Variants in LNX1 observed in about 807,000 individuals in gnomAD.
LNX1 encodes the protein ligand of numb-protein X 1, also known as E3 ubiquitin-protein ligase LNX.
In LNX1, 54 loss-of-function variants were observed where a neutral mutation model predicts 68.4. The observed-to-expected ratio is 0.79, with a 90% CI of 0.63 to 0.99. The LOEUF (loss-of-function observed/expected upper bound fraction) is 0.99. LNX1 is among the 50% of genes least tolerant of loss of function. The probability of loss-of-function intolerance (pLI) is 0.00; values close to 1 mark genes in which losing one functional copy is unlikely to be tolerated. For missense variants in LNX1, 906 were observed against 926.4 expected (o/e 0.98, Z 0.29); for synonymous variants, 336 against 350.0 (o/e 0.96, Z 0.45).
chr4:53,536,982 C>T (rs1420883810), intron 2 of LNX1, among the ~76,000 whole-genome samples: 1 of 152,182 alleles, frequency 6.6e-6, no homozygotes, highest in Admixed American at 6.5e-5. Context: ...GTGATGATTT[C>T]TAATTACTTA....
In LNX1 at chr4:53,640,227, C is replaced by T. The variant is rs74717127; in HGVS notation, c.-215+11941G>A. On this transcript the variant is annotated intron_variant, in intron 1 of 2. Coordinates refer to the LNX1 transcript ENST00000507168. Reference sequence around the variant, plus strand: ...TAGATTTACGTATTAAAAACAAGAACGACTGTCAGGAAGGCGAGGAAGCAC... The same window carrying T: ...TAGATTTACGTATTAAAAACAAGAATGACTGTCAGGAAGGCGAGGAAGCAC... Among the ~76,000 whole-genome samples the T allele has an allele frequency of 7.8e-3, 1,182 of 152,120 alleles. 14 individuals carry two copies. Among genetic ancestry groups the T allele is most frequent in the African/African-American group, 0.024 (1,009 of 41,472 alleles).
chr4:53,639,731 C>A (rs1311412813), intron 1 of LNX1, among the ~76,000 whole-genome samples: 2 of 152,128 alleles, frequency 1.3e-5, no homozygotes, highest in Non-Finnish European at 1.5e-5. Context: ...AAGTCAGAGG[C>A]ATAATCAAGA....
intron 2 of LNX1, among the ~76,000 whole-genome samples, chr4:53,516,472 C>T (rs1273121966): frequency 6.6e-6 from 1 of 152,064 alleles, no homozygotes; most frequent in Non-Finnish European, 1.5e-5. Context: ...CAGGAGAGCT[C>T]AGAGGAAGGG....
At chr4:53,570,316 A>G (rs1731055453) in intron 2 of LNX1, among the ~76,000 whole-genome samples, 1 of 150,112 alleles carries the variant, frequency 6.7e-6, no homozygotes, top group South Asian at 2.2e-4. Flanking sequence ...CATATACACC[A>G]TGGAATACTA....
intron 2 of LNX1, among the ~76,000 whole-genome samples, chr4:53,533,546 A>G (rs1704476688): frequency 1.3e-5 from 2 of 152,124 alleles, no homozygotes; most frequent in Admixed American, 1.3e-4. Context: ...CTACAGGCAC[A>G]TGCCATCACA....
chr4:53,521,288 A>C (rs1477000155), intron 2 of LNX1, among the ~76,000 whole-genome samples: 1 of 152,206 alleles, frequency 6.6e-6, no homozygotes, highest in East Asian at 1.9e-4. Context: ...AGAGGTTGTC[A>C]GAGCTTGATA....
rs184345236 is a variant in LNX1, at chr4:53,503,027, T to C, written c.776-4184A>G. ...CTCACTGCAAGCTCCGCCTCCCAGG[T>C]TCACATCATTCTCCTGCCTCAGCCT... On this transcript the variant is annotated intron_variant, in intron 4 of 10. Transcript: ENST00000263925. Among the ~76,000 whole-genome samples, 280 of 152,116 alleles carry C rather than the reference T, an allele frequency of 1.8e-3. 1 individual carries two copies. The highest frequency in any genetic ancestry group is 6.5e-3 in the African/African-American group (271 of 41,484).
At chr4:53,533,155 T>C (rs1415661584) in intron 2 of LNX1, among the ~76,000 whole-genome samples, 1 of 152,216 alleles carries the variant, frequency 6.6e-6, no homozygotes, top group African/African-American at 2.4e-5. Context: ...GGCCTGAGAC[T>C]AACTGAGCTT....
At position 53,573,963 on chromosome 4, in the gene LNX1, A is replaced by G; in HGVS notation, c.40T>C (p.Cys14Arg). Reference protein sequence around the residue: ...PESANDPEPLCAVCGQAHSLE... With the variant: ...PESANDPEPLRAVCGQAHSLE... ...GAGTGGGCTTGGCCACACACTGCAC[A>G]CAGGGGTTCAGGATCGTTGGCAGAC... is the stretch of plus-strand genomic sequence containing the variant. Residue 14 changes from cysteine (C) to arginine (R), a missense_variant, in exon 2 of 11, where the codon TGT becomes CGT. Physicochemically the swap from Cys to Arg is radical, Grantham distance 180 (BLOSUM62 -3). Transcript: ENST00000263925. 1 of 1,613,606 alleles carries G rather than the reference A, an allele frequency of 6.2e-7. No individual in the cohort carries two copies. The highest frequency in any genetic ancestry group is 2.2e-5 in the East Asian group (1 of 44,888).
chr4:53,470,943 C>A (rs1723117225), intron 9 of LNX1, among the ~76,000 whole-genome samples: 1 of 151,530 alleles, frequency 6.6e-6, no homozygotes. Flanking sequence ...TCAGTGCCAT[C>A]CCCATCGAGC....
At chr4:53,579,022 T>A (rs531590995) in intron 1 of LNX1, among the ~76,000 whole-genome samples, 1 of 152,184 alleles carries the variant, frequency 6.6e-6, no homozygotes, top group Admixed American at 6.5e-5. Flanking sequence ...GCCTTGCTGC[T>A]GAATGGAGAA....
chr4:53,632,472 G>A (rs537574807), intron 1 of LNX1, among the ~76,000 whole-genome samples: 2 of 152,142 alleles, frequency 1.3e-5, no homozygotes, highest in Non-Finnish European at 2.9e-5. Flanking sequence ...CAGCCAAGAG[G>A]GTCAGTCAGA....
intron 6 of LNX1, 65 bp downstream of exon 6, chr4:53,495,958 G>A (rs1184175279): frequency 1.3e-5 from 20 of 1,554,554 alleles, no homozygotes; most frequent in Non-Finnish European, 1.7e-5. Flanking sequence ...CTGGTTCAGG[G>A]GGATGTGCAT....
At chr4:53,566,980 C>T (rs1730743128) in intron 2 of LNX1, among the ~76,000 whole-genome samples, 1 of 152,034 alleles carries the variant, frequency 6.6e-6, no homozygotes, top group South Asian at 2.1e-4. Context: ...TACAGGAGCA[C>T]CCAGATTCAT....
At chr4:53,591,518 GGA>G, upstream of LNX1, 1 of 985,554 alleles carries the variant, frequency 1.0e-6, no homozygotes, top group South Asian at 4.7e-5. Context: ...ACAGGTGCCT[GGA>G]GGAAGGAGGA....
intron 6 of LNX1, 91 bp downstream of exon 6, chr4:53,495,932 G>A (rs1725019100): frequency 2.8e-6 from 4 of 1,429,466 alleles, no homozygotes; most frequent in African/African-American, 2.8e-5. Context: ...TGACACATGT[G>A]GTAGTGACAG....
chr4:53,471,321 A>T (rs537210703), intron 9 of LNX1, among the ~76,000 whole-genome samples: 50 of 152,126 alleles, frequency 3.3e-4, no homozygotes, highest in African/African-American at 1.2e-3. Context: ...CCTTCCTTAC[A>T]CCTTATACAA....
chr4:53,640,438 G>C (rs1734635935), intron 1 of LNX1, among the ~76,000 whole-genome samples: 2 of 152,166 alleles, frequency 1.3e-5, no homozygotes, highest in African/African-American at 4.8e-5. Context: ...GAAAAAAATG[G>C]GGGGAGAGAA....
At chr4:53,637,968 CTTGAA>C (rs2109880919) in intron 1 of LNX1, among the ~76,000 whole-genome samples, 2 of 152,298 alleles carry the variant, frequency 1.3e-5, no homozygotes, top group African/African-American at 4.8e-5. Flanking sequence ...ACTGTGTATT[CTTGAA>C]ACTACCACTT....
Sources: gnomAD v4.1 joint callset for allele counts (sites outside exome capture counted in the v4.1 genomes callset) on GRCh38, gnomAD v4.1.1 for gene constraint, MANE v1.5 for transcripts, NCBI Gene and HGNC (gene_info 2026-07-23, HGNC 2026-07-21) for gene names.